GRM8: variants seen among roughly 807,000 people sequenced by gnomAD.
The protein encoded by GRM8 is glutamate metabotropic receptor 8, also known as metabotropic glutamate receptor 8.
A neutral mutation model predicts 87.2 loss-of-function variants in GRM8; 47 were observed. That is an observed-to-expected ratio of 0.54 (90% confidence interval 0.43 to 0.69). The LOEUF (loss-of-function observed/expected upper bound fraction) is 0.69. Among genes scored for constraint, GRM8 ranks in the 30% least tolerant of loss-of-function variants. GRM8 has a pLI of 0.00. For missense variants in GRM8, 1,019 were observed against 1,139.2 expected, an observed-to-expected ratio of 0.89 and a Z score of 1.52; for synonymous variants, 396 against 404.5, an observed-to-expected ratio of 0.98 and a Z score of 0.25.
intron 3 of GRM8, among the ~76,000 whole-genome samples, chr7:127,002,282 C>T (rs989821380): frequency 6.6e-6 from 1 of 151,596 alleles, no homozygotes; most frequent in Non-Finnish European, 1.5e-5. Flanking sequence ...TGACAGAGTG[C>T]ATCATCAACG....
intron 6 of GRM8, among the ~76,000 whole-genome samples, chr7:126,828,638 G>A (rs1795054122): frequency 6.6e-6 from 1 of 151,800 alleles, no homozygotes; most frequent in African/African-American, 2.4e-5. Context: ...TATCAATTTT[G>A]TTGATCCTTT....
chr7:126,517,605 C>A (rs1320180483), intron 9 of GRM8, among the ~76,000 whole-genome samples: 1 of 152,094 alleles, frequency 6.6e-6, no homozygotes, highest in Non-Finnish European at 1.5e-5. Context: ...AAGTTTGTAA[C>A]TATCACACAT....
chr7:126,870,961 T>G (rs933832618), intron 6 of GRM8, among the ~76,000 whole-genome samples: 3 of 152,192 alleles, frequency 2.0e-5, no homozygotes, highest in African/African-American at 7.2e-5. Flanking sequence ...TCCCCCCATT[T>G]TTTGAGAGGA....
intron 9 of GRM8, among the ~76,000 whole-genome samples, chr7:126,472,204 G>C (rs1369940484): frequency 6.6e-6 from 1 of 152,110 alleles, no homozygotes; most frequent in Admixed American, 6.6e-5. Context: ...AATTGCTCTG[G>C]CCAGAACTTC....
intron 2 of GRM8, among the ~76,000 whole-genome samples, chr7:127,118,731 A>T (rs974010132): frequency 1.3e-5 from 2 of 152,196 alleles, no homozygotes; most frequent in Admixed American, 1.3e-4. Context: ...TTCATTTCTT[A>T]AACTCCTCTA....
chr7:126,480,210 C>G (rs569637573), intron 9 of GRM8, among the ~76,000 whole-genome samples: 2 of 151,952 alleles, frequency 1.3e-5, no homozygotes, highest in Non-Finnish European at 2.9e-5. Flanking sequence ...CATGGTGAAA[C>G]TCTCTCTCTA....
intron 2 of GRM8, among the ~76,000 whole-genome samples, chr7:127,215,632 T>C (rs1273381158): frequency 6.6e-6 from 1 of 152,238 alleles, no homozygotes; most frequent in African/African-American, 2.4e-5. Flanking sequence ...TTTGCCTCTG[T>C]AGAGACTTAC....
intron 3 of GRM8, among the ~76,000 whole-genome samples, chr7:126,976,538 G>A (rs191367501): frequency 1.3e-5 from 2 of 152,196 alleles, no homozygotes; most frequent in South Asian, 2.1e-4. Context: ...AGCTTGCAGT[G>A]AACCGAGATG....
At chr7:126,612,817 T>A (rs532328034) in intron 7 of GRM8, among the ~76,000 whole-genome samples, 8 of 152,364 alleles carry the variant, frequency 5.3e-5, no homozygotes, top group African/African-American at 1.9e-4. Context: ...AAATCCATGC[T>A]TCCCTCTTCA....
intron 6 of GRM8, among the ~76,000 whole-genome samples, chr7:126,854,881 C>A (rs1451446273): frequency 6.6e-6 from 1 of 152,148 alleles, no homozygotes; most frequent in African/African-American, 2.4e-5. Context: ...TGAACAGCAA[C>A]AATTTTGACT....
At chr7:126,626,855 A>G (rs765499903) in intron 7 of GRM8, among the ~76,000 whole-genome samples, 3 of 152,204 alleles carry the variant, frequency 2.0e-5, no homozygotes, top group Non-Finnish European at 2.9e-5. Flanking sequence ...CCTTGTCTCA[A>G]TTAAAATATT....
intron 7 of GRM8, among the ~76,000 whole-genome samples, chr7:126,728,346 C>T (rs550078585): frequency 6.6e-5 from 10 of 152,284 alleles, no homozygotes; most frequent in African/African-American, 2.4e-4. Context: ...ACTAATTTCC[C>T]TTTGCTTCCT....
At chr7:126,443,044 T>C (rs1365069851) in intron 10 of GRM8, among the ~76,000 whole-genome samples, 1 of 152,060 alleles carries the variant, frequency 6.6e-6, no homozygotes, top group Non-Finnish European at 1.5e-5. Context: ...TATGCTCATA[T>C]GAAAATCAGT....
intron 7 of GRM8, among the ~76,000 whole-genome samples, chr7:126,703,604 G>A (rs960224893): frequency 6.6e-6 from 1 of 152,118 alleles, no homozygotes; most frequent in African/African-American, 2.4e-5. Flanking sequence ...TTATCACTCA[G>A]GCTGAAGTGC....
chr7:126,918,074 C>T (rs1468944511), intron 3 of GRM8, among the ~76,000 whole-genome samples: 1 of 152,056 alleles, frequency 6.6e-6, no homozygotes, highest in African/African-American at 2.4e-5. Context: ...ACAAATATTA[C>T]AATTTGATGT....
At chr7:126,708,114 C>A (rs1285402395) in intron 7 of GRM8, among the ~76,000 whole-genome samples, 15 of 151,938 alleles carry the variant, frequency 9.9e-5, no homozygotes, top group Admixed American at 9.8e-4. Context: ...TACAGATGTT[C>A]AATAGGTATA....
intron 6 of GRM8, among the ~76,000 whole-genome samples, chr7:126,857,551 C>T (rs531760962): frequency 1.6e-4 from 24 of 152,296 alleles, no homozygotes; most frequent in African/African-American, 5.5e-4. Context: ...TGACTCAACT[C>T]CCACTTGTGC....
intron 2 of GRM8, chr7:127,219,795 C>T (rs1796802957): frequency 1.3e-5 from 2 of 152,168 alleles, no homozygotes; most frequent in Non-Finnish European, 2.9e-5. Flanking sequence ...ACCACTATAC[C>T]CACCCCAAAA....
At chr7:126,756,855 C>T (rs1817064713) in intron 7 of GRM8, among the ~76,000 whole-genome samples, 1 of 151,936 alleles carries the variant, frequency 6.6e-6, no homozygotes, top group African/African-American at 2.4e-5. Context: ...CTCAATTTTG[C>T]TGTGAGATTA....
Sources: allele counts gnomAD v4.1 joint callset (sites outside exome capture counted in the v4.1 genomes callset), GRCh38; gene constraint gnomAD v4.1.1; transcripts MANE v1.5; gene names NCBI Gene and HGNC (gene_info 2026-07-23, HGNC 2026-07-21).